PDZD8: variants seen among roughly 807,000 people sequenced by gnomAD.
PDZD8 encodes the protein PDZ domain containing 8, also known as PDZ domain-containing protein 8.
In PDZD8, 14 loss-of-function variants were observed where a neutral mutation model predicts 85.8. That is an observed-to-expected ratio of 0.16 (90% CI 0.11 to 0.26). The LOEUF (loss-of-function observed/expected upper bound fraction) is 0.26. Ranked by LOEUF, PDZD8 falls within the 10% of genes least tolerant of loss-of-function variation. The probability of loss-of-function intolerance (pLI) is 1.00; values close to 1 mark genes in which losing one functional copy is unlikely to be tolerated. For missense variants in PDZD8, 1,197 were observed against 1,424.3 expected, an observed-to-expected ratio of 0.84 and a Z score of 2.57; for synonymous variants, 592 against 568.6, an observed-to-expected ratio of 1.04 and a Z score of -0.59.
At chr10:117,345,496 G>A (rs983686852) in intron 1 of PDZD8, among the ~76,000 whole-genome samples, 1 of 152,128 alleles carries the variant, frequency 6.6e-6, no homozygotes, top group Non-Finnish European at 1.5e-5. Context: ...GGGTAAGTGG[G>A]GTGGGTGTAC....
chr10:117,337,647 G>GT (rs1335481215), intron 2 of PDZD8, among the ~76,000 whole-genome samples: 2 of 152,044 alleles, frequency 1.3e-5, no homozygotes, highest in African/African-American at 4.8e-5. Context: ...AAAACATGCC[G>GT]TTTTTTCTTC....
At chr10:117,363,609 A>G (rs1436446783) in intron 1 of PDZD8, among the ~76,000 whole-genome samples, 1 of 152,202 alleles carries the variant, frequency 6.6e-6, no homozygotes, top group Non-Finnish European at 1.5e-5. Context: ...CCAAGTATAC[A>G]TAATAGATAC....
At position 117,374,484 on chromosome 10, in the gene PDZD8, G is replaced by A. The variant is rs1254103466; in HGVS notation, c.744C>T (p.Asp248=). The A allele has an allele frequency of 1.2e-6, 2 of 1,613,966 alleles. No homozygotes were observed. Among genetic ancestry groups the A allele is most frequent in the South Asian group, 2.2e-5 (2 of 91,028 alleles). Residue 248 remains aspartate (D), a synonymous_variant, in exon 1 of 5, where the codon GAC becomes GAT. Coordinates refer to ENST00000334464, the MANE Select transcript of PDZD8 (RefSeq NM_173791.5). This position sits in a 1 kb window ranked among gnomAD's most constrained non-coding sequence, Gnocchi z 7.8. ...FTHWFFSFVE[D]PLIDFEVRSQ... The stretch of plus-strand genomic sequence containing the variant: ...AGCGCACCTCGAAGTCGATCAGCGG[G>A]TCTTCCACGAAGGAGAAGAACCAGT...
At chr10:117,305,614 G>A (rs1843929708) in intron 3 of PDZD8, among the ~76,000 whole-genome samples, 1 of 151,846 alleles carries the variant, frequency 6.6e-6, no homozygotes, top group South Asian at 2.1e-4. Flanking sequence ...CCCAAATCTG[G>A]AAATCTGAAA....
intron 1 of PDZD8, among the ~76,000 whole-genome samples, chr10:117,365,056 G>T: frequency 6.6e-6 from 1 of 151,736 alleles, no homozygotes. Flanking sequence ...TATATCAGGG[G>T]ATGAAATCAA....
Position 117,280,972 on chromosome 10 carries a change from GGT to G in PDZD8, c.*2294_*2295del, listed in dbSNP as rs1437122790. ...AATGGTAAGTTATTTTTTATAAAGT[GGT>G]TACACACTGAGCAGATTGCCTCAAG... On this transcript the variant is annotated 3_prime_UTR_variant, in exon 5 of 5. Coordinates refer to ENST00000334464, the MANE Select transcript of PDZD8 (RefSeq NM_173791.5). 3.9e-5 allele frequency: 6 copies of G among 152,118 alleles called. No homozygotes were observed. Among genetic ancestry groups the G allele is most frequent in the African/African-American group, 1.4e-4 (6 of 41,436 alleles). The allele number at this position is 152,118 out of a possible 1,614,324, so 9.4% of individuals were successfully genotyped here.
intron 1 of PDZD8, among the ~76,000 whole-genome samples, chr10:117,346,863 T>C (rs1412755973): frequency 6.6e-6 from 1 of 151,958 alleles, no homozygotes; most frequent in Non-Finnish European, 1.5e-5. Context: ...CCAGTCTTTT[T>C]GGGGCTATGT....
In PDZD8 at chr10:117,284,218, T is replaced by C. The variant is rs1179069627; in HGVS notation, c.2515A>G (p.Asn839Asp). Residue 839 changes from asparagine (N) to aspartate (D), a missense_variant, in exon 5 of 5, where the codon AAC (asparagine) becomes GAC (aspartate). Transcript: ENST00000334464. ...TGAGTATCCTGAAAACTGTGTTTGT[T>C]TTCTGTTAAACCCATCTGTCCAACA... is the stretch of plus-strand genomic sequence containing the variant. ...QFVGQMGLTE[N>D]KHSFQDTQFQ... 2.5e-6 allele frequency: 4 copies of C among 1,614,116 alleles called. No individual in the cohort carries two copies. The highest frequency in any genetic ancestry group is 2.5e-6 in the Non-Finnish European group (3 of 1,180,046).
chr10:117,318,708 T>C (rs1844172799), intron 3 of PDZD8, among the ~76,000 whole-genome samples, 164 bp downstream of exon 3: 1 of 152,202 alleles, frequency 6.6e-6, no homozygotes. Flanking sequence ...TCTTGTGATT[T>C]ACTTTATCAC....
At chr10:117,333,087 C>G (rs1319724467) in intron 2 of PDZD8, among the ~76,000 whole-genome samples, 3 of 124,022 alleles carry the variant, frequency 2.4e-5, no homozygotes, top group Non-Finnish European at 4.8e-5. Flanking sequence ...CCATTGCACT[C>G]CAGCCTGGAC....
intron 1 of PDZD8, among the ~76,000 whole-genome samples, chr10:117,366,588 C>T (rs1320812752): frequency 6.9e-6 from 1 of 144,980 alleles, no homozygotes; most frequent in Admixed American, 7.0e-5. Context: ...ACTGTCACCA[C>T]CATTACCACC....
At chr10:117,368,598 C>T (rs1025964452) in intron 1 of PDZD8, among the ~76,000 whole-genome samples, 7 of 152,078 alleles carry the variant, frequency 4.6e-5, no homozygotes, top group Admixed American at 3.3e-4. Flanking sequence ...TTTTGAGATA[C>T]GGATCACTCA....
rs548048281 is a variant in PDZD8, at chr10:117,315,967, C to T, written c.1098+2905G>A. On this transcript the variant is annotated intron_variant, in intron 3 of 4. Transcript: ENST00000334464. ...GTTAAGCAAAGTATGATCACCAAAC[C>T]GGAATACTGCAATGGACCCGAAATA... 2.0e-4 allele frequency among the ~76,000 whole-genome samples: 30 copies of T among 152,124 alleles called. 1 individual carries two copies. The South Asian group carries it at 5.6e-3, about 28-fold the overall frequency.
intron 2 of PDZD8, among the ~76,000 whole-genome samples, chr10:117,327,696 G>A (rs888174182): frequency 3.3e-5 from 5 of 152,096 alleles, no homozygotes; most frequent in African/African-American, 1.2e-4. Flanking sequence ...TGTTATAATT[G>A]TCTTTTGACA....
intron 3 of PDZD8, among the ~76,000 whole-genome samples, chr10:117,309,734 TTGAC>T (rs1564695077): frequency 6.6e-6 from 1 of 152,216 alleles, no homozygotes; most frequent in East Asian, 1.9e-4. Context: ...ATAAACATTA[TTGAC>T]TAACTACTAT....
chr10:117,326,002 C>G (rs1181933718), intron 2 of PDZD8, among the ~76,000 whole-genome samples: 2 of 152,084 alleles, frequency 1.3e-5, no homozygotes, highest in African/African-American at 4.8e-5. Context: ...TGGCATTTCC[C>G]CTGCTCGCAC....
At chr10:117,310,769 T>C (rs1206274450) in intron 3 of PDZD8, among the ~76,000 whole-genome samples, 1 of 152,200 alleles carries the variant, frequency 6.6e-6, no homozygotes, top group Non-Finnish European at 1.5e-5. Flanking sequence ...TGCTTTAATC[T>C]TTCTCTTCCT....
chr10:117,374,250 G>A lies in PDZD8; in HGVS notation c.872+106C>T, dbSNP rs1845246712. On this transcript the variant is annotated intron_variant, in intron 1 of 4. Transcript: ENST00000334464. This position sits in a 1 kb window ranked among gnomAD's most constrained non-coding sequence, Gnocchi z 7.8. Reference sequence around the variant, plus strand: ...TGTCCAGGGTGGGAAGGCCCCAGAAGCAGGCGCCAGGACAGAAATGAGCCT... The same window carrying A: ...TGTCCAGGGTGGGAAGGCCCCAGAAACAGGCGCCAGGACAGAAATGAGCCT... The A allele has an allele frequency of 6.7e-7, 1 of 1,497,878 alleles. No homozygotes were observed. Among genetic ancestry groups the A allele is most frequent in the Admixed American group, 2.1e-5 (1 of 47,036 alleles). 92.8% of individuals were successfully genotyped at this position (1,497,878 alleles called of 1,614,324 possible).
At chr10:117,313,908 C>T (rs528283272) in intron 3 of PDZD8, among the ~76,000 whole-genome samples, 23 of 152,074 alleles carry the variant, frequency 1.5e-4, no homozygotes, top group Non-Finnish European at 2.5e-4. Context: ...TTTTGAAGGC[C>T]CTTGTATTCA....
Sources: gnomAD v4.1 joint callset for allele counts (sites outside exome capture counted in the v4.1 genomes callset) on GRCh38, gnomAD v4.1.1 for gene constraint, Gnocchi (gnomAD v3.1) non-coding constraint, MANE v1.5 for transcripts, NCBI Gene and HGNC (gene_info 2026-07-23, HGNC 2026-07-21) for gene names.